NDUFV3: variants seen among roughly 807,000 people sequenced by gnomAD.
The protein encoded by NDUFV3 is NADH:ubiquinone oxidoreductase subunit V3.
NDUFV3 carries 44 observed loss-of-function variants against 37.5 expected under a neutral mutation model. The observed-to-expected ratio is 1.17, with a 90% CI of 0.92 to 1.51. The LOEUF (loss-of-function observed/expected upper bound fraction) is 1.51. Ranked by LOEUF, NDUFV3 falls within the 40% of genes most tolerant of loss-of-function variation. NDUFV3 has a pLI of 0.00. For missense variants in NDUFV3, 580 were observed against 580.4 expected, an observed-to-expected ratio of 1.00 and a Z score of 0.01; for synonymous variants, 235 against 239.3, an observed-to-expected ratio of 0.98 and a Z score of 0.17.
At chr21:42,899,665 C>A (rs192004486) in intron 2 of NDUFV3, among the ~76,000 whole-genome samples, 1 of 152,064 alleles carries the variant, frequency 6.6e-6, no homozygotes. Context: ...GGTTGGTCTC[C>A]ATCTCTTGAC....
chr21:42,902,243 A>G (rs1042770101), intron 2 of NDUFV3, among the ~76,000 whole-genome samples: 1 of 152,034 alleles, frequency 6.6e-6, no homozygotes, highest in African/African-American at 2.4e-5. Flanking sequence ...AAATAAAATA[A>G]GTAAAAATAA....
chr21:42,898,985 G>A (rs13050160), intron 2 of NDUFV3, among the ~76,000 whole-genome samples: 24,422 of 152,172 alleles, frequency 0.16, 2,388 homozygotes, highest in Non-Finnish European at 0.21. Flanking sequence ...GAGTGGAAAC[G>A]GAGTGCTTCA....
At chr21:42,894,682 C>G (rs1462931656) in intron 1 of NDUFV3, among the ~76,000 whole-genome samples, 4 of 147,852 alleles carry the variant, frequency 2.7e-5, no homozygotes, top group African/African-American at 7.6e-5. Flanking sequence ...CCTCAGCCTG[C>G]AGAATAATTT....
chr21:42,897,589 G>C (rs1317052221), intron 2 of NDUFV3, among the ~76,000 whole-genome samples: 1 of 152,200 alleles, frequency 6.6e-6, no homozygotes. Flanking sequence ...TAGCCAGGAT[G>C]GTCTCAATCT....
intron 1 of NDUFV3, among the ~76,000 whole-genome samples, chr21:42,895,175 C>T (rs1022021591): frequency 1.3e-5 from 2 of 151,932 alleles, no homozygotes; most frequent in East Asian, 3.9e-4. Context: ...ATGGTGAAAC[C>T]CCATCTCTAC....
chr21:42,906,208 G>A (rs188416742), intron 3 of NDUFV3, among the ~76,000 whole-genome samples: 70 of 152,248 alleles, frequency 4.6e-4, no homozygotes, highest in African/African-American at 1.5e-3. Flanking sequence ...GATGCAATGC[G>A]CTTTAGGTGG....
Position 42,910,535 on chromosome 21 carries a change from CAGTACAGGGACGGAGTAGGAAGA to C in NDUFV3, c.*1515_*1537del, listed in dbSNP as rs2058765457. ...AAGTAGGAAGAGGTGAAGTTTCGTGCAGTACAGGGACGGAGTAGGAAGAGGTGAAGTTTCGTGCAGTACAGGGA... is the reference window on the plus strand; with the variant it reads ...AAGTAGGAAGAGGTGAAGTTTCGTGCGGTGAAGTTTCGTGCAGTACAGGGA... On this transcript the variant is annotated 3_prime_UTR_variant, in exon 4 of 4. Coordinates refer to ENST00000354250, the MANE Select transcript of NDUFV3 (RefSeq NM_021075.4). The C allele has an allele frequency of 7.0e-6, 1 of 142,752 alleles. No individual in the cohort carries two copies. The highest frequency in any genetic ancestry group is 1.6e-5 in the Non-Finnish European group (1 of 62,902). The allele number at this position is 142,752 out of a possible 1,614,324, so 8.8% of individuals were successfully genotyped here.
rs1568864150 is a variant in NDUFV3, at chr21:42,912,599, A to C, written c.*3578A>C. The C allele has an allele frequency of 6.6e-6, 1 of 151,392 alleles. No homozygotes were observed. The highest frequency in any genetic ancestry group is 1.5e-5 in the Non-Finnish European group (1 of 68,070). 9.4% of individuals were successfully genotyped at this position (151,392 alleles called of 1,614,324 possible). Reference sequence around the variant, plus strand: ...CGGTGAAACCCTGTCTCTACTAAAAATACAAAAAATTGGCCAGGTGCGGTG... The same window carrying C: ...CGGTGAAACCCTGTCTCTACTAAAACTACAAAAAATTGGCCAGGTGCGGTG... On this transcript the variant is annotated 3_prime_UTR_variant, in exon 4 of 4. Transcript: ENST00000354250.
At chr21:42,901,016 T>G (rs1159750630) in intron 2 of NDUFV3, among the ~76,000 whole-genome samples, 1 of 152,210 alleles carries the variant, frequency 6.6e-6, no homozygotes, top group Non-Finnish European at 1.5e-5. Flanking sequence ...TCTGTGTAGC[T>G]TTTTGAAGAG....
chr21:42,896,866 T>C, intron 1 of NDUFV3, 61 bp from the exon 2 acceptor site: 1 of 1,517,322 alleles, frequency 6.6e-7, no homozygotes, highest in Non-Finnish European at 9.1e-7. Context: ...TATTCATATA[T>C]AGTACCAGCT....
chr21:42,901,615 A>G (rs941847306), intron 2 of NDUFV3, among the ~76,000 whole-genome samples: 3 of 152,052 alleles, frequency 2.0e-5, no homozygotes, highest in Middle Eastern at 3.4e-3. Flanking sequence ...AAAAAAAAAA[A>G]GAAAACGAAA....
At chr21:42,905,040 C>T (rs1402905543) in intron 3 of NDUFV3, among the ~76,000 whole-genome samples, 1 of 152,186 alleles carries the variant, frequency 6.6e-6, no homozygotes, top group African/African-American at 2.4e-5. Flanking sequence ...CAGCCTGCCT[C>T]GGCCTCCCAA....
At chr21:42,906,800 C>T (rs749301908) in intron 3 of NDUFV3, 2 of 502,074 alleles carry the variant, frequency 4.0e-6, no homozygotes, top group South Asian at 3.0e-5. Flanking sequence ...CAGTTATCAC[C>T]CTCCCTATAG....
In NDUFV3 at chr21:42,909,085, A is replaced by C; in HGVS notation, c.*64A>C. 8 of 1,551,250 alleles carry C rather than the reference A, an allele frequency of 5.2e-6. No individual in the cohort carries two copies. The highest frequency in any genetic ancestry group is 1.7e-4 in the Middle Eastern group (1 of 5,828). ...CTGCATCCTGGAGTGCAAAAATAAAATCCACTCAAGAGTCACAAGGCCCGC... is the reference window on the plus strand; with the variant it reads ...CTGCATCCTGGAGTGCAAAAATAAACTCCACTCAAGAGTCACAAGGCCCGC... On this transcript the variant is annotated 3_prime_UTR_variant, in exon 4 of 4. Coordinates refer to ENST00000354250, the MANE Select transcript of NDUFV3 (RefSeq NM_021075.4).
rs776841508 is a variant in NDUFV3 at position 42,903,648 on chromosome 21, G to A, written c.636G>A (p.Gln212=). 1.2e-6 allele frequency: 2 copies of A among 1,614,012 alleles called. No homozygotes were observed. Among genetic ancestry groups the A allele is most frequent in the East Asian group, 4.5e-5 (2 of 44,882 alleles). The change falls in exon 3 of 4, where the codon CAG becomes CAA. Residue 212 remains glutamine, a synonymous_variant. Transcript: ENST00000354250. The part of the protein sequence containing the change: ...TVSAKEKTLL[Q]KPHVDITDPE... ...CAGCAAAAGAGAAAACCTTGCTGCA[G>A]AAGCCGCATGTGGACATTACTGATC... is the stretch of plus-strand genomic sequence containing the variant.
chr21:42,899,100 G>T (rs1399855894), intron 2 of NDUFV3, among the ~76,000 whole-genome samples: 4 of 152,144 alleles, frequency 2.6e-5, no homozygotes, highest in Admixed American at 2.6e-4. Context: ...GGCCCTGCAG[G>T]CCTCTGAGCC....
At chr21:42,894,003 T>A (rs918976543) in intron 1 of NDUFV3, among the ~76,000 whole-genome samples, 1 of 151,872 alleles carries the variant, frequency 6.6e-6, no homozygotes, top group African/African-American at 2.4e-5. Context: ...ATCGCTTGAG[T>A]TCAGGAGTTC....
intron 2 of NDUFV3, among the ~76,000 whole-genome samples, chr21:42,898,087 GT>G (rs912273952): frequency 6.6e-5 from 10 of 152,124 alleles, no homozygotes; most frequent in Admixed American, 2.0e-4. Context: ...AGATTCTTTT[GT>G]TTTCTTCCTC....
At position 42,909,136 on chromosome 21, in the gene NDUFV3, CTTTTTTTT is replaced by C; in HGVS notation, c.*131_*138del. 40 of 434,442 alleles carry C rather than the reference CTTTTTTTT, an allele frequency of 9.2e-5. No individual in the cohort carries two copies. Among genetic ancestry groups the C allele is most frequent in the Middle Eastern group, 8.2e-4 (1 of 1,222 alleles). The allele number at this position is 434,442 out of a possible 1,614,324, so 26.9% of individuals were successfully genotyped here. Reference sequence around the variant, plus strand: ...TGTGCATAATCGGTTTCACTTTTACCTTTTTTTTTTTTTTTTTTTTTTTGAGACAGGGT... The same window carrying C: ...TGTGCATAATCGGTTTCACTTTTACCTTTTTTTTTTTTTTTGAGACAGGGT... On this transcript the variant is annotated 3_prime_UTR_variant, in exon 4 of 4. Transcript: ENST00000354250.
Sources: gnomAD v4.1 joint callset for allele counts (sites outside exome capture counted in the v4.1 genomes callset) on GRCh38, gnomAD v4.1.1 for gene constraint, MANE v1.5 for transcripts, NCBI Gene and HGNC (gene_info 2026-07-23, HGNC 2026-07-21) for gene names.